SAMD5: variants seen among roughly 807,000 people sequenced by gnomAD.
SAMD5 encodes the protein sterile alpha motif domain containing 5, also known as sterile alpha motif domain-containing protein 5.
A neutral mutation model predicts 11.3 loss-of-function variants in SAMD5; 13 were observed. The ratio of observed to expected loss-of-function variants is 1.15; its 90% CI spans 0.75 to 1.83. The LOEUF is 1.83. Among genes scored for constraint, SAMD5 ranks in the 40% most tolerant of loss-of-function variants. The pLI, the probability that SAMD5 is intolerant of heterozygous loss-of-function variation, is 0.00. For synonymous variants in SAMD5, 129 were observed against 111.3 expected (o/e 1.16, Z -1.00); for missense variants, 255 against 239.1 (o/e 1.07, Z -0.44).
intron 1 of SAMD5, among the ~76,000 whole-genome samples, chr6:147,539,041 G>T (rs1212017612): frequency 6.6e-6 from 1 of 152,134 alleles, no homozygotes; most frequent in Non-Finnish European, 1.5e-5. Context: ...CTGGCTTAAG[G>T]GTGGAGCGCT....
chr6:147,512,904 G>C (rs904900158), intron 1 of SAMD5, among the ~76,000 whole-genome samples: 1 of 152,150 alleles, frequency 6.6e-6, no homozygotes, highest in Non-Finnish European at 1.5e-5. Flanking sequence ...CCATGAACAG[G>C]TGCATCCAAC....
the SAMD5 span, among the ~76,000 whole-genome samples, chr6:147,796,410 C>T: frequency 7.7e-3 from 1,170 of 151,974 alleles, 15 homozygotes; most frequent in African/African-American, 0.025. Context: ...GGCTCTGTTC[C>T]GTTCCATTGA....
intron 1 of SAMD5, among the ~76,000 whole-genome samples, chr6:147,645,757 T>C (rs893358761): frequency 2.6e-5 from 4 of 152,166 alleles, no homozygotes; most frequent in African/African-American, 9.7e-5. Flanking sequence ...GTTGGTCCTA[T>C]GCAGCTCTAG....
the SAMD5 span, among the ~76,000 whole-genome samples, chr6:147,895,093 G>C: frequency 1.3e-5 from 2 of 152,148 alleles, no homozygotes; most frequent in Non-Finnish European, 2.9e-5. Context: ...AAGATATATA[G>C]GCATCGATTT....
At chr6:147,591,878 C>T (rs1280238367) in intron 1 of SAMD5, among the ~76,000 whole-genome samples, 1 of 152,090 alleles carries the variant, frequency 6.6e-6, no homozygotes, top group Non-Finnish European at 1.5e-5. Flanking sequence ...TCCTGTGCCA[C>T]CTCTGAGAAG....
chr6:147,664,427 A>G (rs1790688463), intron 1 of SAMD5, among the ~76,000 whole-genome samples: 2 of 152,122 alleles, frequency 1.3e-5, no homozygotes, highest in South Asian at 4.1e-4. Context: ...AGGTCCGGGT[A>G]CTTTGCAGAG....
chr6:147,552,078 T>C (rs1489745540), intron 1 of SAMD5, among the ~76,000 whole-genome samples: 4 of 152,080 alleles, frequency 2.6e-5, no homozygotes, highest in Non-Finnish European at 5.9e-5. Context: ...TTTGGGTCCT[T>C]TCTATTTTAT....
At chr6:147,843,017 G>C in the SAMD5 span, among the ~76,000 whole-genome samples, 1 of 152,008 alleles carries the variant, frequency 6.6e-6, no homozygotes, top group Non-Finnish European at 1.5e-5. Context: ...CTGCCACCAC[G>C]CCTAGCTAAT....
chr6:147,556,250 G>A (rs112181773), intron 1 of SAMD5, among the ~76,000 whole-genome samples: 11 of 152,038 alleles, frequency 7.2e-5, no homozygotes, highest in African/African-American at 2.7e-4. Context: ...CTGCCACCAC[G>A]CCCGGCTAAT....
chr6:147,539,852 T>C (rs368922909), intron 1 of SAMD5, among the ~76,000 whole-genome samples: 1 of 152,152 alleles, frequency 6.6e-6, no homozygotes, highest in Non-Finnish European at 1.5e-5. Flanking sequence ...TGGCTTTTAA[T>C]CATAGTGTTT....
chr6:147,609,811 C>T (rs1280742617), intron 1 of SAMD5, among the ~76,000 whole-genome samples: 1 of 152,194 alleles, frequency 6.6e-6, no homozygotes, highest in Non-Finnish European at 1.5e-5. Flanking sequence ...CCGCCTCAGC[C>T]TCCCAAAGTG....
intron 1 of SAMD5, among the ~76,000 whole-genome samples, chr6:147,715,391 G>A (rs1791452561): frequency 6.6e-6 from 1 of 152,214 alleles, no homozygotes; most frequent in African/African-American, 2.4e-5. Context: ...TGAGGCTGAG[G>A]TTGGACCAGG....
chr6:147,587,911 T>C (rs1419158901), intron 1 of SAMD5, among the ~76,000 whole-genome samples: 1 of 152,210 alleles, frequency 6.6e-6, no homozygotes, highest in African/African-American at 2.4e-5. Context: ...AGGATTTATT[T>C]TTCTGAAGTA....
chr6:147,800,064 C>A, the SAMD5 span, among the ~76,000 whole-genome samples: 1 of 152,228 alleles, frequency 6.6e-6, no homozygotes, highest in Non-Finnish European at 1.5e-5. Context: ...CTTCTTCTCT[C>A]AGCTCGTCAA....
chr6:147,687,982 C>A (rs903434621), intron 1 of SAMD5, among the ~76,000 whole-genome samples: 6 of 152,154 alleles, frequency 3.9e-5, no homozygotes, highest in Non-Finnish European at 5.9e-5. Flanking sequence ...AGCTTCACCT[C>A]TTCATATATT....
intron 1 of SAMD5, among the ~76,000 whole-genome samples, chr6:147,656,254 G>A (rs530619278): frequency 9.9e-5 from 15 of 152,140 alleles, no homozygotes; most frequent in African/African-American, 3.6e-4. Context: ...AAACATGACC[G>A]AATCCCTCTA....
the SAMD5 span, among the ~76,000 whole-genome samples, chr6:147,783,873 A>T: frequency 6.6e-6 from 1 of 152,168 alleles, no homozygotes; most frequent in African/African-American, 2.4e-5. Flanking sequence ...AATGCTATTG[A>T]CAGCATCTTA....
downstream of SAMD5, among the ~76,000 whole-genome samples, chr6:147,740,869 C>T (rs562198310): frequency 5.3e-5 from 8 of 152,340 alleles, no homozygotes; most frequent in South Asian, 1.7e-3. Flanking sequence ...GCTTCATTAA[C>T]TTCTGACCAA....
intron 1 of SAMD5, among the ~76,000 whole-genome samples, chr6:147,659,614 A>C (rs556232761): frequency 1.3e-5 from 2 of 152,366 alleles, no homozygotes; most frequent in East Asian, 3.9e-4. Context: ...AAGCTTTCCC[A>C]AAGTATACAA....
Sources: gnomAD v4.1 joint callset for allele counts (sites outside exome capture counted in the v4.1 genomes callset) on GRCh38, gnomAD v4.1.1 for gene constraint, MANE v1.5 for transcripts, NCBI Gene and HGNC (gene_info 2026-07-23, HGNC 2026-07-21) for gene names.